AKAP13: variants seen among roughly 807,000 people sequenced by gnomAD.
AKAP13 encodes A-kinase anchor protein 13.
In AKAP13, 80 loss-of-function variants were observed where a neutral mutation model predicts 264.5. The observed-to-expected ratio is 0.30, with a 90% CI of 0.25 to 0.36. AKAP13 has a LOEUF of 0.36. Ranked by LOEUF, AKAP13 falls within the 10% of genes least tolerant of loss-of-function variation. AKAP13 has a pLI of 1.00. For missense variants in AKAP13, 3,712 were observed against 3,435.2 expected (o/e 1.08, Z -2.01); for synonymous variants, 1,380 against 1,250.2 (o/e 1.10, Z -2.19).
At chr15:85,607,935 C>G (rs1273190525) in intron 8 of AKAP13, among the ~76,000 whole-genome samples, 3 of 152,168 alleles carry the variant, frequency 2.0e-5, no homozygotes, top group Admixed American at 6.5e-5. Context: ...GACAAATAGG[C>G]TTTTTCATGA....
chr15:85,634,885 A>G (rs898833796), intron 8 of AKAP13, among the ~76,000 whole-genome samples: 4 of 148,500 alleles, frequency 2.7e-5, no homozygotes, highest in Admixed American at 6.8e-5. Context: ...AGATTCATCC[A>G]TGTTGTTTGT....
intron 1 of AKAP13, among the ~76,000 whole-genome samples, chr15:85,417,298 G>A (rs1483371070): frequency 6.6e-6 from 1 of 152,130 alleles, no homozygotes; most frequent in African/African-American, 2.4e-5. Flanking sequence ...TTTCAGGGAT[G>A]GGTGACTTCA....
chr15:85,622,052 G>A (rs1395208524), intron 8 of AKAP13, among the ~76,000 whole-genome samples: 1 of 152,186 alleles, frequency 6.6e-6, no homozygotes, highest in Non-Finnish European at 1.5e-5. Flanking sequence ...TTGCTTTGGA[G>A]ATGGAGAAGA....
At chr15:85,499,530 A>T (rs1362887311) in intron 2 of AKAP13, among the ~76,000 whole-genome samples, 1 of 152,220 alleles carries the variant, frequency 6.6e-6, no homozygotes, top group Non-Finnish European at 1.5e-5. Context: ...AAAAATCCCT[A>T]GCCATGGATC....
At chr15:85,391,709 T>C (rs1279887050) in intron 1 of AKAP13, among the ~76,000 whole-genome samples, 1 of 152,094 alleles carries the variant, frequency 6.6e-6, no homozygotes, top group Non-Finnish European at 1.5e-5. Context: ...GTTCCTGAAC[T>C]CTTAGACTCA....
intron 17 of AKAP13, among the ~76,000 whole-genome samples, chr15:85,700,843 T>TA (rs1397633529): frequency 1.3e-5 from 2 of 152,204 alleles, no homozygotes; most frequent in African/African-American, 4.8e-5. Context: ...TAATATTGGT[T>TA]ATTTATCTAC....
chr15:85,655,526 A>G lies in AKAP13; in HGVS notation c.4484A>G (p.Gln1495Arg). Residue 1495 changes from glutamine (Q) to arginine (R), a missense_variant, in exon 11 of 37, where the codon CAG becomes CGG. By Grantham distance (43) the Gln-to-Arg change is conservative (BLOSUM62 1). Around this residue, in one of 3 missense-constraint regions of AKAP13, gnomAD observed 2,759 missense variants for 2,411.7 expected, o/e 1.14. Transcript: ENST00000394518. ...CATGGCAGTGATGTGTCTCTCTCCC[A>G]GATTTTAAAGCCAAACAGGTCAAGA... Reference protein sequence around the residue: ...SSHGSDVSLSQILKPNRSRDR... With the variant: ...SSHGSDVSLSRILKPNRSRDR... 1 of 1,614,232 alleles carries G rather than the reference A, an allele frequency of 6.2e-7. No individual in the cohort carries two copies.
Position 85,708,366 on chromosome 15 carries a change from T to C in AKAP13, c.5532+280T>C, listed in dbSNP as rs1455025337. The stretch of plus-strand genomic sequence containing the variant: ...CGTGATTTTAATATTTCCGTATTGC[T>C]CTTAAAGTGGTTTTCTTCTTAACTA... On this transcript the variant is annotated intron_variant, in intron 18 of 36. Coordinates refer to ENST00000394518, the MANE Select transcript of AKAP13 (RefSeq NM_007200.5). This position sits in a 1 kb window ranked among gnomAD's most constrained non-coding sequence, Gnocchi z 4.3. Among the ~76,000 whole-genome samples, 1 of 152,182 alleles carries C rather than the reference T, an allele frequency of 6.6e-6. No homozygotes were observed. The highest frequency in any genetic ancestry group is 1.9e-4 in the East Asian group (1 of 5,194).
At chr15:85,453,854 G>T (rs1193653490) in intron 1 of AKAP13, among the ~76,000 whole-genome samples, 1 of 152,154 alleles carries the variant, frequency 6.6e-6, no homozygotes, top group Non-Finnish European at 1.5e-5. Flanking sequence ...GTCCTACCCA[G>T]TGAAGAGGAA....
intron 16 of AKAP13, among the ~76,000 whole-genome samples, chr15:85,687,471 T>G (rs748133068): frequency 1.1e-4 from 17 of 152,240 alleles, no homozygotes; most frequent in Non-Finnish European, 2.4e-4. Flanking sequence ...GATCATCTCC[T>G]TTGTCAAAAT....
intron 30 of AKAP13, among the ~76,000 whole-genome samples, chr15:85,733,963 C>T (rs1327241739): frequency 6.8e-5 from 10 of 147,018 alleles, no homozygotes; most frequent in Admixed American, 2.7e-4. Context: ...GCCTCAGCCT[C>T]CTGAGTAGCT....
At chr15:85,614,277 T>C (rs2080840662) in intron 8 of AKAP13, among the ~76,000 whole-genome samples, 1 of 152,174 alleles carries the variant, frequency 6.6e-6, no homozygotes, top group Non-Finnish European at 1.5e-5. Context: ...TCTTTAAATA[T>C]CTGAAATGCT....
chr15:85,651,304 T>C (rs2082832171), intron 10 of AKAP13, among the ~76,000 whole-genome samples: 1 of 152,228 alleles, frequency 6.6e-6, no homozygotes, highest in Non-Finnish European at 1.5e-5. Flanking sequence ...AATTAACTTT[T>C]AATTGTATTT....
At chr15:85,741,587 A>G in intron 35 of AKAP13, 92 bp downstream of exon 35, 4 of 1,441,588 alleles carry the variant, frequency 2.8e-6, no homozygotes, top group Non-Finnish European at 3.6e-6. Context: ...GCAGAAATAT[A>G]GAGCCTGTTT....
At chr15:85,669,861 T>TA in intron 14 of AKAP13, 31 bp downstream of exon 14, 1 of 1,467,744 alleles carries the variant, frequency 6.8e-7, no homozygotes, top group Non-Finnish European at 9.4e-7. Context: ...AAAAATTAAA[T>TA]ATATTAAATC....
intron 1 of AKAP13, among the ~76,000 whole-genome samples, chr15:85,426,721 G>C (rs911049251): frequency 6.6e-6 from 1 of 152,114 alleles, no homozygotes. Context: ...AAGATCCTAA[G>C]TACAGAGAGA....
At chr15:85,665,193 ACT>A (rs1567182891) in intron 13 of AKAP13, among the ~76,000 whole-genome samples, 1 of 152,066 alleles carries the variant, frequency 6.6e-6, no homozygotes, top group African/African-American at 2.4e-5. Context: ...ACAGAGCAAG[ACT>A]CTGTCTCCAA....
intron 1 of AKAP13, among the ~76,000 whole-genome samples, chr15:85,426,641 G>A (rs2072791289): frequency 6.6e-6 from 1 of 152,172 alleles, no homozygotes; most frequent in Admixed American, 6.5e-5. Context: ...AAACTTGTTG[G>A]AAGATGGTAT....
chr15:85,525,842 A>G (rs1473921266), intron 3 of AKAP13, among the ~76,000 whole-genome samples: 1 of 152,156 alleles, frequency 6.6e-6, no homozygotes, highest in African/African-American at 2.4e-5. Context: ...TATTGTGTTC[A>G]TTTTTATTAA....
Sources: allele counts gnomAD v4.1 joint callset (sites outside exome capture counted in the v4.1 genomes callset), GRCh38; gene constraint gnomAD v4.1.1; regional missense constraint gnomAD v4.1.1; non-coding constraint Gnocchi (gnomAD v3.1); transcripts MANE v1.5; gene names NCBI Gene and HGNC (gene_info 2026-07-23, HGNC 2026-07-21).